Variants in NME8 observed in about 807,000 individuals in gnomAD.
NME8 encodes the protein NME/NM23 family member 8, also known as protein NME8.
NME8 carries 72 observed loss-of-function variants against 82.3 expected under a neutral mutation model. The ratio of observed to expected loss-of-function variants is 0.87; its 90% CI spans 0.72 to 1.06. The LOEUF (loss-of-function observed/expected upper bound fraction) is 1.06. Among genes scored for constraint, NME8 ranks in the 50% least tolerant of loss-of-function variants. The probability of loss-of-function intolerance (pLI) is 0.00; values close to 1 mark genes in which losing one functional copy is unlikely to be tolerated. For missense variants in NME8, 712 were observed against 685.4 expected (o/e 1.04, Z -0.43); for synonymous variants, 267 against 228.5 (o/e 1.17, Z -1.52).
intron 15 of NME8, among the ~76,000 whole-genome samples, chr7:37,894,220 G>T (rs1393205993): frequency 6.6e-6 from 1 of 152,080 alleles, no homozygotes; most frequent in Non-Finnish European, 1.5e-5. Flanking sequence ...TACTCTTGTG[G>T]CCTACTAGGT....
intron 12 of NME8, among the ~76,000 whole-genome samples, chr7:37,882,066 TC>T (rs1196488234): frequency 6.6e-6 from 1 of 152,252 alleles, no homozygotes; most frequent in African/African-American, 2.4e-5. Context: ...CAAAATATTT[TC>T]CCTTTATTTT....
chr7:37,882,605 GAGAGAGAGAGAA>G (rs1562838305), intron 12 of NME8, among the ~76,000 whole-genome samples: 3 of 48,398 alleles, frequency 6.2e-5, no homozygotes, highest in African/African-American at 1.5e-4. Context: ...GAAAGAGAGA[GAGAGAGAGAGAA>G]AGAAAGAAAG....
chr7:37,857,945 T>G (rs1583627343), intron 6 of NME8, among the ~76,000 whole-genome samples: 1 of 152,106 alleles, frequency 6.6e-6, no homozygotes, highest in African/African-American at 2.4e-5. Flanking sequence ...GCCTGTAATC[T>G]CAGCACTTTG....
At chr7:37,870,810 C>T (rs772954035) in intron 11 of NME8, among the ~76,000 whole-genome samples, 3 of 151,996 alleles carry the variant, frequency 2.0e-5, no homozygotes, top group Admixed American at 6.6e-5. Flanking sequence ...TGTTGATGCC[C>T]GTTGGTTTTT....
chr7:37,882,971 T>G (rs189619516), intron 12 of NME8, among the ~76,000 whole-genome samples: 24 of 152,294 alleles, frequency 1.6e-4, no homozygotes, highest in Admixed American at 1.3e-4. Context: ...CTCACCAATA[T>G]TTTTTCAATT....
Position 37,864,397 on chromosome 7 carries a change from A to G in NME8, c.504A>G (p.Lys168=). The G allele has an allele frequency of 6.3e-7, 1 of 1,587,358 alleles. No individual in the cohort carries two copies. Among genetic ancestry groups the G allele is most frequent in the Non-Finnish European group, 8.6e-7 (1 of 1,159,276 alleles). The change falls in exon 9 of 18, where the codon AAA becomes AAG. Residue 168 remains lysine, a synonymous_variant. Coordinates refer to ENST00000199447, the MANE Select transcript of NME8 (RefSeq NM_016616.5). ...TCAAACCGGATGCTGTGATTAGTAA[A>G]AAAGTTCTAGAAATTAAAAGAAAAG... ...AIIKPDAVIS[K]KVLEIKRKIT...
intron 15 of NME8, among the ~76,000 whole-genome samples, chr7:37,892,542 C>T (rs997337939): frequency 2.0e-5 from 3 of 151,898 alleles, no homozygotes; most frequent in African/African-American, 4.8e-5. Context: ...CATACACACA[C>T]GTGTAGACAT....
At chr7:37,880,219 T>A (rs1784921833) in intron 12 of NME8, among the ~76,000 whole-genome samples, 2 of 152,324 alleles carry the variant, frequency 1.3e-5, no homozygotes, top group South Asian at 4.1e-4. Context: ...TCCAGCTTAT[T>A]AGTTATTTCT....
Position 37,876,872 on chromosome 7 carries a change from T to A in NME8, c.859T>A (p.Cys287Ser), listed in dbSNP as rs763550235. ...GGAAAGACAACATTTAGCTCAGCTC[T>A]GTGACATTGAAGAGGATGCAGCTAA... ...YLERQHLAQL[C>S]DIEEDAANVA... The change falls in exon 12 of 18, where the codon TGT (cysteine) becomes AGT (serine). Residue 287 changes from cysteine to serine, a missense_variant. Physicochemically the swap from Cys to Ser is moderately radical, Grantham distance 112 (BLOSUM62 -1). Coordinates refer to ENST00000199447, the MANE Select transcript of NME8 (RefSeq NM_016616.5). The A allele has an allele frequency of 1.2e-6, 2 of 1,613,144 alleles. No individual in the cohort carries two copies. The highest frequency in any genetic ancestry group is 1.7e-6 in the Non-Finnish European group (2 of 1,179,406).
chr7:37,870,386 C>A (rs139644600), intron 11 of NME8, among the ~76,000 whole-genome samples: 2,713 of 151,906 alleles, frequency 0.018, 48 homozygotes, highest in Non-Finnish European at 0.028. Context: ...GTCAGGAGAT[C>A]GAGACCAGCC....
intron 13 of NME8, 35 bp from the exon 14 acceptor site, chr7:37,885,107 ACTT>A (rs1272551761): frequency 7.5e-7 from 1 of 1,337,468 alleles, no homozygotes; most frequent in Non-Finnish European, 1.1e-6. Context: ...ACTGAGCTAC[ACTT>A]CTTATTACCT....
At chr7:37,888,016 A>G (rs770942159) in intron 14 of NME8, among the ~76,000 whole-genome samples, 55 of 152,190 alleles carry the variant, frequency 3.6e-4, no homozygotes, top group Non-Finnish European at 4.4e-5. Context: ...AAACCATATC[A>G]GCATTCATTC....
At chr7:37,869,898 T>G (rs1784742789) in intron 11 of NME8, among the ~76,000 whole-genome samples, 1 of 152,096 alleles carries the variant, frequency 6.6e-6, no homozygotes, top group Non-Finnish European at 1.5e-5. Context: ...CGGCCAGCAG[T>G]CTCTCTCAAA....
At chr7:37,878,145 C>T (rs1464321069) in intron 12 of NME8, among the ~76,000 whole-genome samples, 1 of 152,144 alleles carries the variant, frequency 6.6e-6, no homozygotes. Flanking sequence ...ACCACCTCTT[C>T]CTAGTTTGGA....
intron 10 of NME8, among the ~76,000 whole-genome samples, chr7:37,866,446 T>G (rs1784683802): frequency 6.6e-6 from 1 of 152,204 alleles, no homozygotes; most frequent in Non-Finnish European, 1.5e-5. Context: ...TGTATTCGCA[T>G]TAACTGTAAA....
chr7:37,865,572 C>T lies in NME8; in HGVS notation c.576C>T (p.Leu192=). 6.2e-7 allele frequency: 1 copy of T among 1,613,440 alleles called. No individual in the cohort carries two copies. Among genetic ancestry groups the T allele is most frequent in the Non-Finnish European group, 8.5e-7 (1 of 1,179,502 alleles). ...TAGAAGCAGAGCATAAGACAGTGCT[C>T]ACTGAAGAACAAGTTGTCAACTTCT... ...FIIEAEHKTV[L]TEEQVVNFYS... The change falls in exon 10 of 18, where the codon CTC becomes CTT. Residue 192 remains leucine (L), a synonymous_variant. Coordinates refer to ENST00000199447, the MANE Select transcript of NME8 (RefSeq NM_016616.5).
intron 8 of NME8, among the ~76,000 whole-genome samples, chr7:37,864,147 C>T (rs1291302518): frequency 6.6e-6 from 1 of 152,164 alleles, no homozygotes; most frequent in Non-Finnish European, 1.5e-5. Flanking sequence ...AATGTTTCCC[C>T]TGCATGCAAA....
intron 15 of NME8, among the ~76,000 whole-genome samples, chr7:37,891,281 A>C (rs1785125451): frequency 6.6e-6 from 1 of 151,786 alleles, no homozygotes; most frequent in African/African-American, 2.4e-5. Context: ...AGTTTGATAT[A>C]ATCCCATTTG....
At chr7:37,859,960 A>T (rs1318426532) in intron 6 of NME8, among the ~76,000 whole-genome samples, 1 of 152,204 alleles carries the variant, frequency 6.6e-6, no homozygotes, top group Non-Finnish European at 1.5e-5. Context: ...TTTTATTCAG[A>T]TATTCCCTCA....
Sources: allele counts gnomAD v4.1 joint callset (sites outside exome capture counted in the v4.1 genomes callset), GRCh38; gene constraint gnomAD v4.1.1; transcripts MANE v1.5; gene names NCBI Gene and HGNC (gene_info 2026-07-23, HGNC 2026-07-21).